The following GPR108 variants were observed in gnomAD, a reference collection of about 807,000 sequenced individuals.
GPR108 encodes the protein G protein-coupled receptor 108.
A neutral mutation model predicts 74.3 loss-of-function variants in GPR108; 60 were observed. That is an observed-to-expected ratio of 0.81 (90% CI 0.66 to 1.00). The LOEUF is 1.00. GPR108 is among the 50% of genes least tolerant of loss of function. The pLI is 0.00. For missense variants in GPR108, 667 were observed against 703.3 expected, an observed-to-expected ratio of 0.95 and a Z score of 0.58; for synonymous variants, 311 against 292.4, an observed-to-expected ratio of 1.06 and a Z score of -0.65.
chr19:6,735,468 C>T, intron 4 of GPR108, 154 bp downstream of exon 4: 1 of 664,762 alleles, frequency 1.5e-6, no homozygotes, highest in Non-Finnish European at 2.7e-6. Context: ...TCTCTCCTTC[C>T]TTCCAACAAT....
chr19:6,736,094 C>G (rs1968623453), intron 2 of GPR108, 136 bp from the exon 3 acceptor site: 5 of 777,140 alleles, frequency 6.4e-6, no homozygotes, highest in Non-Finnish European at 1.0e-5. Flanking sequence ...CGCTCTTTTT[C>G]TTTTTTAGAG....
In GPR108 at chr19:6,733,610, T is replaced by C. The variant is rs1221179743; in HGVS notation, c.683A>G (p.Asn228Ser). The C allele has an allele frequency of 8.1e-6, 13 of 1,614,182 alleles. No individual in the cohort carries two copies. The highest frequency in any genetic ancestry group is 1.1e-5 in the Non-Finnish European group (13 of 1,180,010). The change falls in exon 8 of 18, where the codon AAC becomes AGC. Residue 228 changes from asparagine (N) to serine (S), a missense_variant. By Grantham distance (46) the Asn-to-Ser change is conservative (BLOSUM62 1). Coordinates refer to ENST00000264080, the MANE Select transcript of GPR108 (RefSeq NM_001080452.2). ...ATGCTCCTTTCCTGGCACTGAATTG[T>C]TGCAGTTGTGGAAGTTCAGGCTGTA... is the stretch of plus-strand genomic sequence containing the variant. ...GQYSLNFHNC[N>S]NSVPGKEHPF...
chr19:6,732,914 G>T, intron 10 of GPR108, 73 bp downstream of exon 10: 1 of 1,369,754 alleles, frequency 7.3e-7, no homozygotes, highest in Non-Finnish European at 1.0e-6. Flanking sequence ...CCCAGGGTCT[G>T]CAGAGATTTG....
intron 1 of GPR108, chr19:6,737,130 G>T: frequency 5.0e-6 from 2 of 397,508 alleles, no homozygotes; most frequent in Non-Finnish European, 9.1e-6. Flanking sequence ...CCGCTGTGCG[G>T]CTCCAGGGTC....
rs1217249642 is a variant in GPR108 at position 6,736,618 on chromosome 19, G to A, written c.214C>T (p.Arg72Trp). ...VELSVLRLGL[R>W]EAEEKSLLVG... The stretch of plus-strand genomic sequence containing the variant: ...AGCAGGGACTTCTCTTCTGCCTCCC[G>A]GAGGCCCAGCCGCAGGACGCTCAAC... The change falls in exon 2 of 18, where the codon CGG becomes TGG. Residue 72 changes from arginine (R) to tryptophan (W), a missense_variant. Arg to Trp is a moderately radical substitution (Grantham distance 101). Transcript: ENST00000264080. 2.5e-6 allele frequency: 4 copies of A among 1,613,990 alleles called. No homozygotes were observed. The highest frequency in any genetic ancestry group is 1.7e-5 in the Admixed American group (1 of 60,002).
rs1273293141 is a variant in GPR108 at position 6,733,275 on chromosome 19, A to T, written c.750T>A (p.Asp250Glu). ...ITVMIREKNP[D>E]GFLSAAEMPL... The stretch of plus-strand genomic sequence containing the variant: ...GCATCTCCGCTGCCGACAGGAAGCC[A>T]TCGGGGTTCTTCTCCCGGATCATCA... The change falls in exon 9 of 18, where the codon GAT becomes GAA. Residue 250 changes from aspartate to glutamate, a missense_variant. Coordinates refer to ENST00000264080, the MANE Select transcript of GPR108 (RefSeq NM_001080452.2). The T allele has an allele frequency of 1.2e-6, 2 of 1,613,786 alleles. No individual in the cohort carries two copies. The highest frequency in any genetic ancestry group is 1.7e-5 in the Admixed American group (1 of 60,012).
intron 8 of GPR108, 47 bp downstream of exon 8, chr19:6,733,523 G>A (rs1228264364): frequency 6.4e-7 from 1 of 1,560,150 alleles, no homozygotes; most frequent in Non-Finnish European, 8.8e-7. Flanking sequence ...GCCCGCAGTG[G>A]CCTGCAGGGG....
intron 4 of GPR108, 120 bp from the exon 5 acceptor site, chr19:6,734,427 C>T (rs1233850920): frequency 2.4e-5 from 23 of 939,890 alleles, no homozygotes; most frequent in Admixed American, 7.7e-5. Flanking sequence ...GGGGTCCAGT[C>T]GAGTCAGTTA....
rs534573816 is a variant in GPR108 at position 6,733,211 on chromosome 19, G to C, written c.814C>G (p.Leu272Val). 1 of 1,614,082 alleles carries C rather than the reference G, an allele frequency of 6.2e-7. No individual in the cohort carries two copies. Among genetic ancestry groups the C allele is most frequent in the East Asian group, 2.2e-5 (1 of 44,882 alleles). The change falls in exon 9 of 18, where the codon CTG becomes GTG. Residue 272 changes from leucine to valine, a missense_variant. Coordinates refer to ENST00000264080, the MANE Select transcript of GPR108 (RefSeq NM_001080452.2). ...GACACCCAGAAGATGCCAGCGGCCA[G>C]GAAGCAGGCGGACATGACCATGTAG... ...KLYMVMSACF[L>V]AAGIFWVSIL...
rs1568239884 is a variant in GPR108 at position 6,734,122 on chromosome 19, TG to T, written c.499+60del. The T allele has an allele frequency of 4.6e-5, 75 of 1,614,146 alleles. No individual in the cohort carries two copies. The East Asian group carries it at 1.6e-3, about 35-fold the overall frequency. On this transcript the variant is annotated intron_variant, in intron 5 of 17. Coordinates refer to ENST00000264080, the MANE Select transcript of GPR108 (RefSeq NM_001080452.2). ...ATAGAGGGGCAGTGGGAAAACGGCA[TG>T]GGGAGTGCAAAGGGCAGACCTGCCC... is the stretch of plus-strand genomic sequence containing the variant.
chr19:6,737,200 G>T (rs993602539), intron 1 of GPR108: 1 of 512,342 alleles, frequency 2.0e-6, no homozygotes, highest in Non-Finnish European at 3.4e-6. Flanking sequence ...TGGGGGGAAG[G>T]GGGGTGTAGT....
Position 6,735,978 on chromosome 19 carries a change from A to G in GPR108, c.241-20T>C, listed in dbSNP as rs774842298. The G allele has an allele frequency of 6.3e-7, 1 of 1,597,914 alleles. No individual in the cohort carries two copies. Among genetic ancestry groups the G allele is most frequent in the South Asian group, 1.1e-5 (1 of 88,992 alleles). On this transcript the variant is annotated intron_variant, in intron 2 of 17. Coordinates refer to ENST00000264080, the MANE Select transcript of GPR108 (RefSeq NM_001080452.2). ...CCCCACCTGGTGGGTGGAAAAAAAA[A>G]GGGGAGGGTGTGAGGGACAGTAGAG...
chr19:6,731,271 G>A lies in GPR108; in HGVS notation c.1362C>T (p.Tyr454=), dbSNP rs778904600. The A allele has an allele frequency of 1.2e-5, 18 of 1,550,170 alleles. No homozygotes were observed. Among genetic ancestry groups the A allele is most frequent in the East Asian group, 9.0e-5 (4 of 44,236 alleles). Residue 454 remains tyrosine, a synonymous_variant, in exon 16 of 18, where the codon TAC becomes TAT. Coordinates refer to ENST00000264080, the MANE Select transcript of GPR108 (RefSeq NM_001080452.2). ...TGGCGATGATGCGGGTGAAGTAGACGTAGCAGATGACCTGCAGGGGCGCGA... is the reference window on the plus strand; with the variant it reads ...TGGCGATGATGCGGGTGAAGTAGACATAGCAGATGACCTGCAGGGGCGCGA... ...FRHYYVMVIC[Y]VYFTRIIAIL...
In GPR108 at chr19:6,733,297, A is replaced by T; in HGVS notation, c.728T>A (p.Met243Lys). ...GKEHPFDITV[M>K]IREKNPDGFL... Reference sequence around the variant, plus strand: ...GCCATCGGGGTTCTTCTCCCGGATCATCACCTGCGGAGGGGGCAGTGGTGG... The same window carrying T: ...GCCATCGGGGTTCTTCTCCCGGATCTTCACCTGCGGAGGGGGCAGTGGTGG... The change falls in exon 9 of 18, where the codon ATG becomes AAG. Residue 243 changes from methionine (M) to lysine (K), a missense_variant. Met to Lys is a moderately conservative substitution (Grantham distance 95, BLOSUM62 -1). Transcript: ENST00000264080. The T allele has an allele frequency of 6.2e-7, 1 of 1,613,124 alleles. No individual in the cohort carries two copies. The highest frequency in any genetic ancestry group is 1.7e-5 in the Admixed American group (1 of 59,970).
chr19:6,730,927 G>A lies in GPR108; in HGVS notation c.1559+60C>T, dbSNP rs1286006572. 3.6e-6 allele frequency: 4 copies of A among 1,098,268 alleles called. No homozygotes were observed. The African/African-American group carries it at 4.9e-5, about 13-fold the overall frequency. 68.0% of individuals were successfully genotyped at this position (1,098,268 alleles called of 1,614,324 possible). A position where few individuals can be genotyped will look rare whatever the true frequency, so the allele number is the denominator to read the frequency against. On this transcript the variant is annotated intron_variant, in intron 17 of 17. Coordinates refer to ENST00000264080, the MANE Select transcript of GPR108 (RefSeq NM_001080452.2). ...CCCCCCTGCCCACCCTGCCCGTAGA[G>A]CTGCCCACCCCCTACTCCACCCCCA...
chr19:6,731,997 A>G (rs775702976), intron 13 of GPR108, 28 bp downstream of exon 13: 1 of 1,613,564 alleles, frequency 6.2e-7, no homozygotes, highest in Non-Finnish European at 8.5e-7. Context: ...CACAGGGCAG[A>G]GCCTCAGCCC....
In GPR108 at chr19:6,730,183, C is replaced by T. The variant is rs762256295; in HGVS notation, c.*129G>A. 3 of 844,782 alleles carry T rather than the reference C, an allele frequency of 3.6e-6. No individual in the cohort carries two copies. The highest frequency in any genetic ancestry group is 2.5e-5 in the East Asian group (1 of 40,538). The allele number at this position is 844,782 out of a possible 1,614,324, so 52.3% of individuals were successfully genotyped here. On this transcript the variant is annotated 3_prime_UTR_variant, in exon 18 of 18. Coordinates refer to ENST00000264080, the MANE Select transcript of GPR108 (RefSeq NM_001080452.2). ...CTTCCAAATGGGCTTGTCCGGGAAC[C>T]GGGGTCCCGGGGAGCTGGGCGCCTG... is the stretch of plus-strand genomic sequence containing the variant.
At position 6,732,546 on chromosome 19, in the gene GPR108, T is replaced by C; in HGVS notation, c.937A>G (p.Asn313Asp). The C allele has an allele frequency of 6.2e-7, 1 of 1,611,870 alleles. No individual in the cohort carries two copies. Among genetic ancestry groups the C allele is most frequent in the East Asian group, 2.2e-5 (1 of 44,830 alleles). Residue 313 changes from asparagine to aspartate, a missense_variant, in exon 11 of 18, where the codon AAC (asparagine) becomes GAC (aspartate). Transcript: ENST00000264080. ...KSISLLFHSI[N>D]YYFINSQGHP... ...CCCTGGCTGTTGATGAAGTAGTAGTTGATCTGGGGGTGGATGGACAGACGG... is the reference window on the plus strand; with the variant it reads ...CCCTGGCTGTTGATGAAGTAGTAGTCGATCTGGGGGTGGATGGACAGACGG...
chr19:6,733,957 C>A, intron 6 of GPR108, 44 bp from the exon 7 acceptor site: 2 of 1,614,178 alleles, frequency 1.2e-6, no homozygotes, highest in Non-Finnish European at 1.7e-6. Context: ...TGGGTCCCCG[C>A]AGGGCCCTGG....
Sources: gnomAD v4.1 joint callset for allele counts on GRCh38, gnomAD v4.1.1 for gene constraint, MANE v1.5 for transcripts, NCBI Gene and HGNC (gene_info 2026-07-23, HGNC 2026-07-21) for gene names.